CSMD1: variants seen among roughly 807,000 people sequenced by gnomAD.
CSMD1 encodes the protein CUB and Sushi multiple domains 1.
A neutral mutation model predicts 417.5 loss-of-function variants in CSMD1; 213 were observed. The observed-to-expected ratio is 0.51, with a 90% CI of 0.46 to 0.57. The LOEUF is 0.57. CSMD1 is among the 20% of genes least tolerant of loss of function. The probability of loss-of-function intolerance (pLI) is 0.00; values close to 1 mark genes in which losing one functional copy is unlikely to be tolerated. For synonymous variants in CSMD1, 2,862 were observed against 1,736.8 expected, an observed-to-expected ratio of 1.65 and a Z score of -16.11; for missense variants, 6,923 against 4,529.7, an observed-to-expected ratio of 1.53 and a Z score of -15.17.
At chr8:3,045,422 T>A (rs1015066008) in intron 50 of CSMD1, among the ~76,000 whole-genome samples, 9 of 152,228 alleles carry the variant, frequency 5.9e-5, no homozygotes, top group African/African-American at 2.2e-4. Context: ...TGAAGCTACC[T>A]TAAGCCCTGT....
chr8:3,896,561 G>T (rs76159043), intron 5 of CSMD1, among the ~76,000 whole-genome samples: 1 of 151,820 alleles, frequency 6.6e-6, no homozygotes, highest in African/African-American at 2.4e-5. Flanking sequence ...ACCCAGGCTG[G>T]AGTGCAGTGG....
At chr8:4,677,016 T>A (rs1311825113) in intron 1 of CSMD1, among the ~76,000 whole-genome samples, 1 of 144,450 alleles carries the variant, frequency 6.9e-6, no homozygotes, top group Non-Finnish European at 1.5e-5. Context: ...ATATAGAATT[T>A]TACATAGAAT....
intron 2 of CSMD1, among the ~76,000 whole-genome samples, chr8:4,574,533 C>A (rs186971599): frequency 8.5e-5 from 13 of 152,322 alleles, no homozygotes; most frequent in African/African-American, 3.1e-4. Context: ...CTGTGATGGT[C>A]TCACTGGGAG....
intron 3 of CSMD1, among the ~76,000 whole-genome samples, chr8:4,336,398 C>A (rs923717878): frequency 3.3e-5 from 5 of 152,128 alleles, no homozygotes; most frequent in Non-Finnish European, 1.5e-5. Flanking sequence ...TGACCCATGG[C>A]CACTCCTGAT....
chr8:3,254,843 G>A (rs996297607), intron 26 of CSMD1, among the ~76,000 whole-genome samples: 5 of 152,052 alleles, frequency 3.3e-5, no homozygotes, highest in African/African-American at 1.2e-4. Context: ...GGGGTCGTTT[G>A]CTAGTCTGAA....
chr8:4,306,554 C>CA (rs1314497339), intron 3 of CSMD1, among the ~76,000 whole-genome samples: 2 of 152,038 alleles, frequency 1.3e-5, no homozygotes, highest in African/African-American at 2.4e-5. Context: ...CTTCCTTATG[C>CA]AAAAAAACAG....
At chr8:4,172,949 G>A (rs1797848226) in intron 3 of CSMD1, among the ~76,000 whole-genome samples, 1 of 152,070 alleles carries the variant, frequency 6.6e-6, no homozygotes, top group African/African-American at 2.4e-5. Flanking sequence ...AAAACCTCGA[G>A]GGCTGAGGCA....
At chr8:3,170,400 G>C (rs575470645) in intron 37 of CSMD1, among the ~76,000 whole-genome samples, 27 of 152,204 alleles carry the variant, frequency 1.8e-4, no homozygotes, top group African/African-American at 6.0e-4. Flanking sequence ...AGTAGAGACG[G>C]GGTTTCACTG....
rs1803674370 is a variant in CSMD1, at chr8:3,848,638, A to T, written c.819-94596T>A. Among the ~76,000 whole-genome samples, 7 of 152,138 alleles carry T rather than the reference A, an allele frequency of 4.6e-5. No homozygotes were observed. The South Asian group carries it at 1.5e-3, about 32-fold the overall frequency. ...GTTCTAAAGTGCAGAGAATAGATGG[A>T]ATTTAATTTTAAAGCCAGATTTTTC... On this transcript the variant is annotated intron_variant, in intron 5 of 69. Transcript: ENST00000635120.
intron 51 of CSMD1, among the ~76,000 whole-genome samples, chr8:3,021,397 C>G: frequency 6.6e-6 from 1 of 152,220 alleles, no homozygotes; most frequent in East Asian, 1.9e-4. Flanking sequence ...GAAATCTTGC[C>G]TGACTGAAAA....
chr8:4,374,057 A>G (rs1024504142), intron 3 of CSMD1, among the ~76,000 whole-genome samples: 2 of 152,174 alleles, frequency 1.3e-5, no homozygotes, highest in African/African-American at 4.8e-5. Context: ...TTGAACTTAA[A>G]TAATATAATC....
At chr8:3,846,456 A>G (rs1452738602) in intron 5 of CSMD1, among the ~76,000 whole-genome samples, 2 of 152,206 alleles carry the variant, frequency 1.3e-5, no homozygotes, top group Non-Finnish European at 2.9e-5. Context: ...CAGTTACTCA[A>G]AATAACCTTC....
At chr8:3,683,527 T>C (rs936713686) in intron 7 of CSMD1, among the ~76,000 whole-genome samples, 1 of 152,182 alleles carries the variant, frequency 6.6e-6, no homozygotes, top group African/African-American at 2.4e-5. Flanking sequence ...GAGGTATTTC[T>C]GCACTGTGCC....
chr8:4,736,080 T>C (rs992693104), intron 1 of CSMD1, among the ~76,000 whole-genome samples: 11 of 152,204 alleles, frequency 7.2e-5, no homozygotes, highest in African/African-American at 2.7e-4. Flanking sequence ...TGAATATGCC[T>C]GATTTTCATT....
At chr8:4,233,333 G>A (rs1801856787) in intron 3 of CSMD1, among the ~76,000 whole-genome samples, 2 of 152,146 alleles carry the variant, frequency 1.3e-5, no homozygotes, top group African/African-American at 2.4e-5. Flanking sequence ...TCTCTTCATT[G>A]ACATATTAAA....
At chr8:4,287,597 C>G (rs1470267644) in intron 3 of CSMD1, among the ~76,000 whole-genome samples, 2 of 151,960 alleles carry the variant, frequency 1.3e-5, no homozygotes, top group East Asian at 1.9e-4. Context: ...CTTCCAGGGA[C>G]CAGGTTAAGT....
At chr8:4,330,051 A>G (rs1799780686) in intron 3 of CSMD1, among the ~76,000 whole-genome samples, 1 of 152,162 alleles carries the variant, frequency 6.6e-6, no homozygotes. Flanking sequence ...TCTTTTCTTC[A>G]TAAATTATGC....
At chr8:4,096,354 A>G (rs1174321701) in intron 3 of CSMD1, among the ~76,000 whole-genome samples, 1 of 152,154 alleles carries the variant, frequency 6.6e-6, no homozygotes, top group Non-Finnish European at 1.5e-5. Context: ...TTGGATTTCC[A>G]TATGGGGCTC....
chr8:4,958,574 G>C lies in CSMD1; in HGVS notation c.85+35758C>G, dbSNP rs563527903. Among the ~76,000 whole-genome samples, 4 of 152,280 alleles carry C rather than the reference G, an allele frequency of 2.6e-5. No homozygotes were observed. In the East Asian group the frequency reaches 7.7e-4, roughly 29 times the overall value. On this transcript the variant is annotated intron_variant, in intron 1 of 69. Transcript: ENST00000635120. The stretch of plus-strand genomic sequence containing the variant: ...CTTGAAATGAATAGAAATTCTGACA[G>C]CTTCTTAAGCAAGGCAGTGTTCTGA...
Sources: allele counts gnomAD v4.1 joint callset (sites outside exome capture counted in the v4.1 genomes callset), GRCh38; gene constraint gnomAD v4.1.1; transcripts MANE v1.5; gene names NCBI Gene and HGNC (gene_info 2026-07-23, HGNC 2026-07-21).